TMEM25: variants seen among roughly 807,000 people sequenced by gnomAD.
The protein encoded by TMEM25 is transmembrane protein 25.
A neutral mutation model predicts 37.0 loss-of-function variants in TMEM25; 36 were observed. That is an observed-to-expected ratio of 0.97 (90% CI 0.75 to 1.28). The LOEUF is 1.28. Among genes scored for constraint, TMEM25 ranks in the 50% most tolerant of loss-of-function variants. The pLI, the probability that TMEM25 is intolerant of heterozygous loss-of-function variation, is 0.00. For synonymous variants in TMEM25, 197 were observed against 203.7 expected (o/e 0.97, Z 0.28); for missense variants, 444 against 477.9 (o/e 0.93, Z 0.66).
In TMEM25 at chr11:118,534,950, C is replaced by T; in HGVS notation, c.*370C>T. On this transcript the variant is annotated 3_prime_UTR_variant, in exon 9 of 9. Transcript: ENST00000313236. This position sits in a 1 kb window ranked among gnomAD's most constrained non-coding sequence, Gnocchi z 4.6. ...TACCCCACCCCAGTACTCCACAGCA[C>T]CTTGTACAGTAGGCATGGGGGCGTG... 9.0e-7 allele frequency: 1 copy of T among 1,114,348 alleles called. No individual in the cohort carries two copies. The highest frequency in any genetic ancestry group is 1.1e-6 in the Non-Finnish European group (1 of 907,828). The allele number at this position is 1,114,348 out of a possible 1,614,324, so 69.0% of individuals were successfully genotyped here.
chr11:118,540,183 C>G (rs1951560895), downstream of TMEM25, among the ~76,000 whole-genome samples: 1 of 151,870 alleles, frequency 6.6e-6, no homozygotes, highest in Non-Finnish European at 1.5e-5. Context: ...AATCTCGGCT[C>G]ACTGCAAGCT....
At chr11:118,544,287 C>G (rs184126908) in intron 8 of TMEM25, among the ~76,000 whole-genome samples, 83 of 152,200 alleles carry the variant, frequency 5.5e-4, no homozygotes, top group Non-Finnish European at 1.0e-3. Flanking sequence ...AGGTCTGGAG[C>G]CAGACAGCCT....
chr11:118,546,669 G>C (rs540744202), downstream of TMEM25: 1 of 156,788 alleles, frequency 6.4e-6, no homozygotes, highest in African/African-American at 2.4e-5. Context: ...TTTTTCCCCC[G>C]ATCAGTATGG....
intron 1 of TMEM25, 46 bp from the exon 2 acceptor site, chr11:118,531,729 G>A: frequency 1.5e-6 from 2 of 1,377,676 alleles, no homozygotes; most frequent in Non-Finnish European, 2.0e-6. Flanking sequence ...CAATTGCTAG[G>A]CCTGCCTGCT....
chr11:118,538,054 G>A (rs1951533541), downstream of TMEM25, among the ~76,000 whole-genome samples: 2 of 152,188 alleles, frequency 1.3e-5, no homozygotes, highest in South Asian at 4.2e-4. Context: ...TGTCTCCAAA[G>A]AAAAGAGAGA....
At chr11:118,541,751 TCTCA>T (rs1378037837) in intron 8 of TMEM25, among the ~76,000 whole-genome samples, 4 of 151,844 alleles carry the variant, frequency 2.6e-5, no homozygotes, top group Non-Finnish European at 5.9e-5. Flanking sequence ...CATGTTTAGC[TCTCA>T]CTTATTTTTA....
At position 118,532,203 on chromosome 11, in the gene TMEM25, C is replaced by G; in HGVS notation, c.124C>G (p.Leu42Val). Residue 42 changes from leucine (L) to valine (V), a missense_variant, in exon 3 of 9, where the codon CTT becomes GTT. Leu to Val is a conservative substitution (Grantham distance 32). Coordinates refer to ENST00000313236, the MANE Select transcript of TMEM25 (RefSeq NM_032780.4). ...IDGQTWAERA[L>V]RENERHAFTC... ...TGGTCAGACCTGGGCTGAGCGGGCA[C>G]TTCGGGAGAATGAACGCCACGCCTT... 6.2e-7 allele frequency: 1 copy of G among 1,608,108 alleles called. No individual in the cohort carries two copies. The highest frequency in any genetic ancestry group is 8.5e-7 in the Non-Finnish European group (1 of 1,176,656).
chr11:118,544,926 G>C, intron 8 of TMEM25: 1 of 1,612,208 alleles, frequency 6.2e-7, no homozygotes, highest in Non-Finnish European at 8.5e-7. Context: ...TCAGCTGAAG[G>C]TTAATGTCTC....
At chr11:118,539,423 C>T (rs1235524474), downstream of TMEM25, among the ~76,000 whole-genome samples, 1 of 152,096 alleles carries the variant, frequency 6.6e-6, no homozygotes, top group Non-Finnish European at 1.5e-5. Context: ...GCCTTGGCCT[C>T]CCAAAGTGCT....
downstream of TMEM25, among the ~76,000 whole-genome samples, chr11:118,540,250 C>T (rs945331325): frequency 1.3e-5 from 2 of 152,038 alleles, no homozygotes; most frequent in East Asian, 2.0e-4. Context: ...GCTGGGACTA[C>T]GGGTTGGCTT....
chr11:118,546,219 G>T, exon 9 of TMEM25: 1 of 715,828 alleles, frequency 1.4e-6, no homozygotes, highest in South Asian at 1.5e-5. Context: ...AATCTTGGTG[G>T]GGCGTGGTGG....
chr11:118,538,140 CTCCTCA>C (rs1270246260), downstream of TMEM25, among the ~76,000 whole-genome samples: 1 of 151,998 alleles, frequency 6.6e-6, no homozygotes, highest in Non-Finnish European at 1.5e-5. Context: ...GTTCCCTTTT[CTCCTCA>C]TCCTCATCAA....
chr11:118,545,136 T>C, intron 8 of TMEM25: 1 of 784,986 alleles, frequency 1.3e-6, no homozygotes, highest in South Asian at 1.7e-5. Flanking sequence ...ATGAGGGAAC[T>C]TGGTTCTGAA....
downstream of TMEM25, among the ~76,000 whole-genome samples, chr11:118,538,868 G>A (rs7101585): frequency 0.16 from 24,007 of 150,174 alleles, 2,379 homozygotes; most frequent in East Asian, 0.49. Flanking sequence ...CTCCAGCCTG[G>A]GCAACAGAGT....
Position 118,534,928 on chromosome 11 carries a change from C to G in TMEM25, c.*348C>G, listed in dbSNP as rs1951467190. 1 of 1,173,276 alleles carries G rather than the reference C, an allele frequency of 8.5e-7. No individual in the cohort carries two copies. The highest frequency in any genetic ancestry group is 1.1e-6 in the Non-Finnish European group (1 of 940,990). The allele number at this position is 1,173,276 out of a possible 1,614,324, so 72.7% of individuals were successfully genotyped here. A position where few individuals can be genotyped will look rare whatever the true frequency, so the allele number is the denominator to read the frequency against. On this transcript the variant is annotated 3_prime_UTR_variant, in exon 9 of 9. Transcript: ENST00000313236. This position sits in a 1 kb window ranked among gnomAD's most constrained non-coding sequence, Gnocchi z 4.6. ...AAGTGTGGCATGGCCTGCTGTATAC[C>G]CCACCCCAGTACTCCACAGCACCTT...
chr11:118,537,384 G>A (rs1555063909), downstream of TMEM25, among the ~76,000 whole-genome samples: 1 of 152,026 alleles, frequency 6.6e-6, no homozygotes, highest in Non-Finnish European at 1.5e-5. Context: ...CTATTGCCCA[G>A]GCTGGTGTGA....
chr11:118,535,623 G>A lies in TMEM25; in HGVS notation c.*1043G>A, dbSNP rs1439609178. ...AGGCACATAATTCAACAGTGTGGAA[G>A]CTTTAGGGGAACATGGAGAAAGAAG... is the stretch of plus-strand genomic sequence containing the variant. On this transcript the variant is annotated 3_prime_UTR_variant, in exon 9 of 9. Transcript: ENST00000313236. The A allele has an allele frequency of 1.2e-5, 19 of 1,529,492 alleles. No homozygotes were observed. The highest frequency in any genetic ancestry group is 1.6e-5 in the Non-Finnish European group (18 of 1,142,024). The allele number at this position is 1,529,492 out of a possible 1,614,324, so 94.7% of individuals were successfully genotyped here.
chr11:118,535,157 C>G lies in TMEM25; in HGVS notation c.*577C>G, dbSNP rs1388769002. 2.9e-6 allele frequency: 3 copies of G among 1,040,356 alleles called. No homozygotes were observed. Among genetic ancestry groups the G allele is most frequent in the Non-Finnish European group, 3.5e-6 (3 of 865,778 alleles). 64.4% of individuals were successfully genotyped at this position (1,040,356 alleles called of 1,614,324 possible). Reference sequence around the variant, plus strand: ...GCACAAACGTCCTTTTTGCTGCACACGTCTCTGCCCTTCACTTCTTCTCTT... The same window carrying G: ...GCACAAACGTCCTTTTTGCTGCACAGGTCTCTGCCCTTCACTTCTTCTCTT... On this transcript the variant is annotated 3_prime_UTR_variant, in exon 9 of 9. Coordinates refer to ENST00000313236, the MANE Select transcript of TMEM25 (RefSeq NM_032780.4).
At chr11:118,532,695 G>T (rs1951345432) in intron 3 of TMEM25, 1 of 779,182 alleles carries the variant, frequency 1.3e-6, no homozygotes, top group Non-Finnish European at 2.0e-6. Flanking sequence ...TGATCCCGCT[G>T]GTAAGAAGCA....
Sources: gnomAD v4.1 joint callset for allele counts (sites outside exome capture counted in the v4.1 genomes callset) on GRCh38, gnomAD v4.1.1 for gene constraint, Gnocchi (gnomAD v3.1) non-coding constraint, MANE v1.5 for transcripts, NCBI Gene and HGNC (gene_info 2026-07-23, HGNC 2026-07-21) for gene names.